ADAMTS9: variants seen among roughly 807,000 people sequenced by gnomAD.
ADAMTS9 encodes ADAM metallopeptidase with thrombospondin type 1 motif 9.
ADAMTS9 carries 107 observed loss-of-function variants against 257.1 expected under a neutral mutation model. The ratio of observed to expected loss-of-function variants is 0.42; its 90% CI spans 0.36 to 0.49. ADAMTS9 has a LOEUF of 0.49. ADAMTS9 is among the 20% of genes least tolerant of loss of function. The pLI, the probability that ADAMTS9 is intolerant of heterozygous loss-of-function variation, is 0.03. For missense variants in ADAMTS9, 2,353 were observed against 2,469.1 expected, an observed-to-expected ratio of 0.95 and a Z score of 1.00; for synonymous variants, 982 against 880.9, an observed-to-expected ratio of 1.11 and a Z score of -2.03.
intron 3 of ADAMTS9, among the ~76,000 whole-genome samples, chr3:64,678,039 G>A (rs576841493): frequency 1.7e-3 from 265 of 152,222 alleles, no homozygotes; most frequent in African/African-American, 5.9e-3. Context: ...TTCCATCTGC[G>A]TGTGAAAGTG....
intron 3 of ADAMTS9, among the ~76,000 whole-genome samples, chr3:64,676,836 C>A (rs897766850): frequency 2.6e-5 from 4 of 152,132 alleles, no homozygotes; most frequent in Non-Finnish European, 4.4e-5. Flanking sequence ...CCTTAAGAAA[C>A]AAAAATTACC....
intron 28 of ADAMTS9, among the ~76,000 whole-genome samples, chr3:64,575,863 CTAT>C (rs1175955164): frequency 6.6e-6 from 1 of 152,122 alleles, no homozygotes; most frequent in Non-Finnish European, 1.5e-5. Flanking sequence ...ATCATTACTA[CTAT>C]TATTTCTATT....
At chr3:64,646,025 A>T (rs9866907) in intron 11 of ADAMTS9, among the ~76,000 whole-genome samples, 2 of 152,030 alleles carry the variant, frequency 1.3e-5, no homozygotes, top group South Asian at 4.1e-4. Flanking sequence ...CGTTCATGAC[A>T]GTTTTACTAA....
intron 28 of ADAMTS9, 114 bp from the exon 29 acceptor site, chr3:64,568,649 T>G: frequency 8.0e-7 from 1 of 1,247,944 alleles, no homozygotes; most frequent in Non-Finnish European, 1.1e-6. Flanking sequence ...ACCATTCCCC[T>G]CTTTTACAGC....
chr3:64,535,710 C>G (rs560054358), intron 37 of ADAMTS9, among the ~76,000 whole-genome samples: 1 of 151,830 alleles, frequency 6.6e-6, no homozygotes, highest in South Asian at 2.1e-4. Flanking sequence ...TGCACCACCA[C>G]GCCCAGCTAA....
intron 3 of ADAMTS9, among the ~76,000 whole-genome samples, chr3:64,662,333 T>C (rs779505076): frequency 5.3e-5 from 8 of 152,150 alleles, no homozygotes; most frequent in Middle Eastern, 3.2e-3. Context: ...TTGCATCTGG[T>C]GTGTGCTGGA....
intron 16 of ADAMTS9, among the ~76,000 whole-genome samples, chr3:64,629,636 A>G (rs1700317465): frequency 6.6e-6 from 1 of 152,238 alleles, no homozygotes; most frequent in Non-Finnish European, 1.5e-5. Flanking sequence ...ACTTATCACT[A>G]TAACACTATG....
intron 19 of ADAMTS9, among the ~76,000 whole-genome samples, chr3:64,620,749 T>C (rs1700083946): frequency 6.6e-6 from 1 of 152,206 alleles, no homozygotes; most frequent in Non-Finnish European, 1.5e-5. Flanking sequence ...TAGGTCATTA[T>C]GGGTACTTTG....
At position 64,526,044 on chromosome 3, in the gene ADAMTS9, ATCT is replaced by A. The variant is rs577662927; in HGVS notation, c.5719-3787_5719-3785del. On this transcript the variant is annotated intron_variant, in intron 38 of 39. Coordinates refer to ENST00000498707, the MANE Select transcript of ADAMTS9 (RefSeq NM_182920.2). ...ATAATATATAGTATAATGTATTATA[ATCT>A]TATGTGTGATATGCTATACTATATA... 6.2e-3 allele frequency among the ~76,000 whole-genome samples: 909 copies of A among 147,204 alleles called. 4 individuals are homozygous for A. The highest frequency in any genetic ancestry group is 0.022 in the African/African-American group (884 of 40,760).
intron 28 of ADAMTS9, among the ~76,000 whole-genome samples, chr3:64,584,398 A>C (rs2084091827): frequency 6.6e-6 from 1 of 152,116 alleles, no homozygotes; most frequent in African/African-American, 2.4e-5. Flanking sequence ...GGCTTAGGAA[A>C]GAGAAAATCA....
At chr3:64,658,990 G>T (rs534461538) in intron 3 of ADAMTS9, among the ~76,000 whole-genome samples, 199 bp from the exon 4 acceptor site, 1 of 152,212 alleles carries the variant, frequency 6.6e-6, no homozygotes, top group Non-Finnish European at 1.5e-5. Context: ...TCCCTGGGAA[G>T]CTTTCATACT....
At chr3:64,626,448 A>T (rs1390673623) in intron 16 of ADAMTS9, among the ~76,000 whole-genome samples, 1 of 152,174 alleles carries the variant, frequency 6.6e-6, no homozygotes, top group African/African-American at 2.4e-5. Flanking sequence ...TTAAATGTAA[A>T]TTGCTCATTT....
chr3:64,684,264 G>C (rs984951827), intron 2 of ADAMTS9, among the ~76,000 whole-genome samples: 1 of 151,994 alleles, frequency 6.6e-6, no homozygotes, highest in Non-Finnish European at 1.5e-5. Flanking sequence ...ATATTTCTTA[G>C]ACATCAGTCC....
At chr3:64,557,284 G>A (rs1048800003) in intron 30 of ADAMTS9, among the ~76,000 whole-genome samples, 3 of 152,150 alleles carry the variant, frequency 2.0e-5, no homozygotes, top group African/African-American at 7.2e-5. Flanking sequence ...ATTCCTCAAT[G>A]CTGCAGATGC....
intron 11 of ADAMTS9, among the ~76,000 whole-genome samples, chr3:64,645,561 GA>G (rs1430964842): frequency 1.3e-5 from 2 of 152,152 alleles, no homozygotes; most frequent in Non-Finnish European, 2.9e-5. Flanking sequence ...CTATGAAAAA[GA>G]AACAAAGCAA....
chr3:64,645,303 C>A (rs1236330697), intron 11 of ADAMTS9, among the ~76,000 whole-genome samples: 1 of 152,050 alleles, frequency 6.6e-6, no homozygotes, highest in Non-Finnish European at 1.5e-5. Flanking sequence ...AAACTTGAAA[C>A]AAAAGAGTTT....
chr3:64,660,926 G>A (rs942711431), intron 3 of ADAMTS9, among the ~76,000 whole-genome samples: 1 of 152,084 alleles, frequency 6.6e-6, no homozygotes, highest in Admixed American at 6.5e-5. Flanking sequence ...TTTTGCTTTC[G>A]CACCTCAAAC....
intron 3 of ADAMTS9, 42 bp from the exon 4 acceptor site, chr3:64,658,833 T>C: frequency 1.3e-6 from 2 of 1,547,968 alleles, no homozygotes; most frequent in Non-Finnish European, 8.7e-7. Flanking sequence ...TCAAGCCACA[T>C]CTATTTTATA....
chr3:64,677,248 C>T (rs955814029), intron 3 of ADAMTS9, among the ~76,000 whole-genome samples: 4 of 152,138 alleles, frequency 2.6e-5, no homozygotes, highest in African/African-American at 7.2e-5. Context: ...AGAGAAGACA[C>T]CCCACTTCCC....
Sources: allele counts gnomAD v4.1 joint callset (sites outside exome capture counted in the v4.1 genomes callset), GRCh38; gene constraint gnomAD v4.1.1; transcripts MANE v1.5; gene names NCBI Gene and HGNC (gene_info 2026-07-23, HGNC 2026-07-21).